CSMD3: variants seen among roughly 807,000 people sequenced by gnomAD.
CSMD3 encodes CUB and Sushi multiple domains 3, also known as CUB and sushi domain-containing protein 3.
A neutral mutation model predicts 435.2 loss-of-function variants in CSMD3; 177 were observed. The observed-to-expected ratio is 0.41, with a 90% CI of 0.36 to 0.46. The LOEUF (loss-of-function observed/expected upper bound fraction) is 0.46, where lower values mean the gene tolerates loss of function less well. CSMD3 is among the 20% of genes least tolerant of loss of function. CSMD3 has a pLI of 0.34. For missense variants in CSMD3, 4,265 were observed against 4,504.6 expected (o/e 0.95, Z 1.52); for synonymous variants, 1,656 against 1,520.5 (o/e 1.09, Z -2.07).
chr8:113,405,463 C>A (rs1038431247), intron 1 of CSMD3, among the ~76,000 whole-genome samples: 4 of 151,456 alleles, frequency 2.6e-5, no homozygotes. Context: ...CATTTTCATT[C>A]ATTGTAATAA....
chr8:112,263,934 G>A, intron 60 of CSMD3, 122 bp from the exon 61 acceptor site: 1 of 861,738 alleles, frequency 1.2e-6, no homozygotes, highest in Non-Finnish European at 1.9e-6. Flanking sequence ...ACAATATGTT[G>A]TGACATATCT....
chr8:112,546,269 A>G (rs1054900662), intron 27 of CSMD3, among the ~76,000 whole-genome samples: 2 of 152,166 alleles, frequency 1.3e-5, no homozygotes, highest in Non-Finnish European at 2.9e-5. Flanking sequence ...ATAATTTTCA[A>G]CAGAGAAGTG....
intron 4 of CSMD3, among the ~76,000 whole-genome samples, chr8:113,156,424 T>G (rs932801005): frequency 6.6e-6 from 1 of 152,076 alleles, no homozygotes; most frequent in East Asian, 1.9e-4. Flanking sequence ...TTTACCAGAC[T>G]ATTCTCTTCG....
chr8:112,383,309 T>C (rs1829643057), intron 37 of CSMD3, among the ~76,000 whole-genome samples: 1 of 152,130 alleles, frequency 6.6e-6, no homozygotes. Context: ...CTAACTCAGC[T>C]GAAAATATTA....
Position 112,254,325 on chromosome 8 carries a change from C to T in CSMD3, c.10038G>A (p.Glu3346=). 6.2e-7 allele frequency: 1 copy of T among 1,607,904 alleles called. No homozygotes were observed. Among genetic ancestry groups the T allele is most frequent in the Non-Finnish European group, 8.5e-7 (1 of 1,174,588 alleles). ...GGTTTTCACAAGAGGTTTGGGTAGG[C>T]TCTAAAATGAAGATTAAAAAGATAT... The part of the protein sequence containing the change: ...TWSGSSPHCI[E]PTQTSCENPG... The change falls in exon 63 of 71, where the codon GAG becomes GAA. Residue 3346 remains glutamate, a splice_region_variant and synonymous_variant. Transcript: ENST00000297405.
At chr8:112,596,047 T>C (rs1795183971) in intron 22 of CSMD3, among the ~76,000 whole-genome samples, 1 of 150,066 alleles carries the variant, frequency 6.7e-6, no homozygotes, top group Non-Finnish European at 1.5e-5. Flanking sequence ...GACTAAATGC[T>C]CCAATTAAAA....
At chr8:113,126,948 T>A (rs555040944) in intron 4 of CSMD3, among the ~76,000 whole-genome samples, 2 of 152,082 alleles carry the variant, frequency 1.3e-5, no homozygotes, top group East Asian at 3.9e-4. Context: ...ATTAACTACA[T>A]AACCCTTAAC....
intron 31 of CSMD3, among the ~76,000 whole-genome samples, chr8:112,483,392 C>T (rs1204743936): frequency 2.6e-5 from 4 of 151,988 alleles, no homozygotes; most frequent in Non-Finnish European, 5.9e-5. Flanking sequence ...ACTCAGGAGG[C>T]TTAGGCAAGA....
At chr8:112,508,822 T>C (rs1194819756) in intron 28 of CSMD3, among the ~76,000 whole-genome samples, 1 of 152,070 alleles carries the variant, frequency 6.6e-6, no homozygotes. Context: ...ATAACTAAGC[T>C]TTTTGAAGGG....
At chr8:112,971,016 T>G (rs1330592551) in intron 7 of CSMD3, among the ~76,000 whole-genome samples, 1 of 152,166 alleles carries the variant, frequency 6.6e-6, no homozygotes, top group East Asian at 1.9e-4. Context: ...CCACCACGCC[T>G]GGCCTCATCT....
chr8:112,719,811 T>G (rs1382421543), intron 13 of CSMD3, among the ~76,000 whole-genome samples: 1 of 152,196 alleles, frequency 6.6e-6, no homozygotes, highest in Admixed American at 6.5e-5. Flanking sequence ...GAATTAATAT[T>G]CAACAGTTAT....
At position 112,658,092 on chromosome 8, in the gene CSMD3, T is replaced by C. The variant is rs112852177; in HGVS notation, c.2817-1751A>G. On this transcript the variant is annotated intron_variant, in intron 17 of 70. Transcript: ENST00000297405. ...TTTTACAAAAAAGTATCCAACATAA[T>C]TGGATGCTTTAGTATTAACCATGTA... Among the ~76,000 whole-genome samples, 580 of 152,310 alleles carry C rather than the reference T, an allele frequency of 3.8e-3. 1 individual carries two copies. The highest frequency in any genetic ancestry group is 0.013 in the African/African-American group (544 of 41,586).
At chr8:112,455,333 A>G (rs1748070853) in intron 32 of CSMD3, among the ~76,000 whole-genome samples, 1 of 152,170 alleles carries the variant, frequency 6.6e-6, no homozygotes, top group African/African-American at 2.4e-5. Flanking sequence ...AATTTAATGT[A>G]GGAGGAGAAA....
chr8:112,892,242 T>C (rs1237213621), intron 10 of CSMD3, among the ~76,000 whole-genome samples: 1 of 151,566 alleles, frequency 6.6e-6, no homozygotes, highest in East Asian at 2.0e-4. Flanking sequence ...TATTTGCTTA[T>C]ATAATTATCA....
intron 22 of CSMD3, among the ~76,000 whole-genome samples, chr8:112,630,942 T>TCACACACACACA (rs5894090): frequency 8.5e-5 from 12 of 140,590 alleles, no homozygotes; most frequent in Admixed American, 3.6e-4. Flanking sequence ...ACATCAGTAT[T>TCACACACACACA]CACACACACA....
At chr8:113,342,944 G>A (rs1015970233) in intron 1 of CSMD3, among the ~76,000 whole-genome samples, 3 of 151,932 alleles carry the variant, frequency 2.0e-5, no homozygotes, top group African/African-American at 7.3e-5. Context: ...CATAGTTGAA[G>A]AAGATAATTA....
chr8:113,430,099 G>C (rs542042232), intron 1 of CSMD3, among the ~76,000 whole-genome samples: 1 of 152,256 alleles, frequency 6.6e-6, no homozygotes, highest in South Asian at 2.1e-4. Flanking sequence ...ATGTGTAAAA[G>C]TGATAAGCAG....
chr8:113,238,242 G>A (rs999124182), intron 3 of CSMD3, among the ~76,000 whole-genome samples: 6 of 152,112 alleles, frequency 3.9e-5, no homozygotes, highest in Admixed American at 3.9e-4. Context: ...TTAGATAGCT[G>A]AACCATCAGT....
intron 22 of CSMD3, among the ~76,000 whole-genome samples, chr8:112,621,959 T>C (rs1834107280): frequency 6.6e-6 from 1 of 152,158 alleles, no homozygotes; most frequent in Non-Finnish European, 1.5e-5. Context: ...GTAGTGAGTA[T>C]TTCTCATTCT....
Sources: gnomAD v4.1 joint callset for allele counts (sites outside exome capture counted in the v4.1 genomes callset) on GRCh38, gnomAD v4.1.1 for gene constraint, MANE v1.5 for transcripts, NCBI Gene and HGNC (gene_info 2026-07-23, HGNC 2026-07-21) for gene names.